The following KIT variants were observed in gnomAD, a reference collection of about 807,000 sequenced individuals.
The protein encoded by KIT is KIT proto-oncogene, receptor tyrosine kinase.
A neutral mutation model predicts 105.7 loss-of-function variants in KIT; 16 were observed. The observed-to-expected ratio is 0.15, with a 90% CI of 0.10 to 0.23. The LOEUF is 0.23. Ranked by LOEUF, KIT falls within the 10% of genes least tolerant of loss-of-function variation. The pLI is 1.00. For synonymous variants in KIT, 438 were observed against 441.1 expected (o/e 0.99, Z 0.09); for missense variants, 858 against 1,213.8 (o/e 0.71, Z 4.36).
chr4:54,712,784 C>T (rs535907942), intron 7 of KIT, among the ~76,000 whole-genome samples: 2 of 152,248 alleles, frequency 1.3e-5, no homozygotes, highest in East Asian at 3.9e-4. Context: ...GTCTCTAATA[C>T]CCACCCAGCA....
chr4:54,729,978 C>G (rs938642654), intron 14 of KIT, among the ~76,000 whole-genome samples: 6 of 152,138 alleles, frequency 3.9e-5, no homozygotes, highest in Non-Finnish European at 7.4e-5. Flanking sequence ...TCCTGTATAC[C>G]TTGCCTCTTG....
intron 1 of KIT, among the ~76,000 whole-genome samples, chr4:54,672,530 G>A (rs978633631): frequency 1.3e-5 from 2 of 152,064 alleles, no homozygotes; most frequent in East Asian, 1.9e-4. Context: ...ATTAGCCAGC[G>A]TTTGTTCTTT....
At chr4:54,704,180 C>A (rs1403820477) in intron 5 of KIT, among the ~76,000 whole-genome samples, 7 of 152,128 alleles carry the variant, frequency 4.6e-5, no homozygotes, top group African/African-American at 1.7e-4. Flanking sequence ...TGAGATTTTT[C>A]AAAAATGCTA....
At chr4:54,697,905 T>C (rs1720178185) in intron 2 of KIT, among the ~76,000 whole-genome samples, 1 of 152,200 alleles carries the variant, frequency 6.6e-6, no homozygotes, top group Non-Finnish European at 1.5e-5. Flanking sequence ...AGAGCTCAAA[T>C]ATTGCTCTCT....
chr4:54,736,857 T>G (rs764645565), intron 19 of KIT, 37 bp downstream of exon 19: 4 of 1,503,248 alleles, frequency 2.7e-6, no homozygotes, highest in Non-Finnish European at 3.7e-6. Context: ...GGTCACGTTT[T>G]CCCTTTTATT....
In KIT at chr4:54,687,424, G is replaced by C. The variant is rs1035601618; in HGVS notation, c.68-8088G>C. On this transcript the variant is annotated intron_variant, in intron 1 of 20. Transcript: ENST00000288135. ...CTGCCCTCCAGCCTGGGCGACGACAGAGCAAGACCCCATCTCCAAAAAAAA... is the reference window on the plus strand; with the variant it reads ...CTGCCCTCCAGCCTGGGCGACGACACAGCAAGACCCCATCTCCAAAAAAAA... 2.0e-5 allele frequency among the ~76,000 whole-genome samples: 3 copies of C among 151,696 alleles called. 1 individual carries two copies. Among genetic ancestry groups the C allele is most frequent in the African/African-American group, 7.3e-5 (3 of 41,228 alleles).
chr4:54,721,453 A>G (rs966732603), intron 7 of KIT, among the ~76,000 whole-genome samples: 1 of 152,244 alleles, frequency 6.6e-6, no homozygotes, highest in Non-Finnish European at 1.5e-5. Context: ...ATGCTTTCGC[A>G]AGACGATGGC....
At chr4:54,715,907 C>G (rs561549630) in intron 7 of KIT, among the ~76,000 whole-genome samples, 1 of 152,090 alleles carries the variant, frequency 6.6e-6, no homozygotes, top group African/African-American at 2.4e-5. Flanking sequence ...CAGATTTGGT[C>G]CTTAAGGCCA....
At chr4:54,678,961 C>G (rs186974083) in intron 1 of KIT, among the ~76,000 whole-genome samples, 3 of 151,812 alleles carry the variant, frequency 2.0e-5, no homozygotes, top group Non-Finnish European at 4.4e-5. Flanking sequence ...TTGCTGTGCC[C>G]CCTTGAAGAC....
intron 4 of KIT, among the ~76,000 whole-genome samples, chr4:54,702,671 A>T (rs541666083): frequency 6.6e-6 from 1 of 152,236 alleles, no homozygotes; most frequent in East Asian, 1.9e-4. Context: ...CTGAGTTTTT[A>T]CCACAACCAA....
At chr4:54,682,194 A>T (rs1266975466) in intron 1 of KIT, among the ~76,000 whole-genome samples, 1 of 149,922 alleles carries the variant, frequency 6.7e-6, no homozygotes, top group Non-Finnish European at 1.5e-5. Flanking sequence ...GGCTCAAGCG[A>T]TCCTCCCACC....
rs1165782753 is a variant in KIT at position 54,740,604 on chromosome 4, A to G, written c.*2047A>G. On this transcript the variant is annotated 3_prime_UTR_variant, in exon 21 of 21. Coordinates refer to ENST00000288135, the MANE Select transcript of KIT (RefSeq NM_000222.3). ...ATACAGTAACTTTATGTGTAAATAC[A>G]TAAGCGGCGTAAGTTTAAAGGATGT... 4.3e-6 allele frequency: 1 copy of G among 233,004 alleles called. No individual in the cohort carries two copies. Among genetic ancestry groups the G allele is most frequent in the Admixed American group, 5.6e-5 (1 of 17,786 alleles). 14.4% of individuals were successfully genotyped at this position (233,004 alleles called of 1,614,324 possible).
In KIT at chr4:54,731,996, A is replaced by G. The variant is rs1216980484; in HGVS notation, c.2359A>G (p.Asn787Asp). 1.9e-6 allele frequency: 3 copies of G among 1,612,796 alleles called. No individual in the cohort carries two copies. The South Asian group carries it at 3.3e-5, about 18-fold the overall frequency. Reference sequence around the variant, plus strand: ...GGGCATGGCTTTCCTCGCCTCCAAGAATGTAAGTGGGAGTGATTCTCTAAA... The same window carrying G: ...GGGCATGGCTTTCCTCGCCTCCAAGGATGTAAGTGGGAGTGATTCTCTAAA... ...AKGMAFLASK[N>D]CIHRDLAARN... Residue 787 changes from asparagine (N) to aspartate (D), a missense_variant and splice_region_variant, in exon 16 of 21, where the codon AAT becomes GAT. This residue lies in a region of KIT where 158 missense variants were observed against 218.7 expected (regional missense o/e 0.72). Transcript: ENST00000288135.
intron 17 of KIT, among the ~76,000 whole-genome samples, chr4:54,735,623 C>T (rs1233582694): frequency 6.6e-6 from 1 of 152,204 alleles, no homozygotes; most frequent in African/African-American, 2.4e-5. Context: ...TCAGGCGGTG[C>T]TAAGCATTTT....
At position 54,727,927 on chromosome 4, in the gene KIT, C is replaced by A. The variant is rs1032761406; in HGVS notation, c.1879C>A (p.Pro627Thr). 1 of 1,613,818 alleles carries A rather than the reference C, an allele frequency of 6.2e-7. No homozygotes were observed. The highest frequency in any genetic ancestry group is 8.5e-7 in the Non-Finnish European group (1 of 1,179,780). ...AMTVAVKMLK[P>T]SAHLTEREAL... is the part of the protein sequence containing the mutation. ...GACTGTCGCTGTAAAGATGCTCAAG[C>A]GTAAGTTCCTGTATGGTACTGCATG... The change falls in exon 12 of 21, where the codon CCG (proline) becomes ACG (threonine). Residue 627 changes from proline to threonine, a missense_variant and splice_region_variant. Physicochemically the swap from Pro to Thr is conservative, Grantham distance 38. Transcript: ENST00000288135.
chr4:54,664,304 A>G (rs1253260114), intron 1 of KIT, among the ~76,000 whole-genome samples: 1 of 152,170 alleles, frequency 6.6e-6, no homozygotes, highest in Non-Finnish European at 1.5e-5. Context: ...GACTCCTCTT[A>G]CTAGCCTCAA....
chr4:54,715,702 A>G (rs1007878633), intron 7 of KIT, among the ~76,000 whole-genome samples: 6 of 152,190 alleles, frequency 3.9e-5, no homozygotes. Context: ...CCCCACCTCC[A>G]GTATTCAGGA....
chr4:54,705,739 C>A (rs538590365), intron 5 of KIT, among the ~76,000 whole-genome samples: 1 of 152,006 alleles, frequency 6.6e-6, no homozygotes, highest in African/African-American at 2.4e-5. Context: ...AAAAATGAGC[C>A]GGGCATGGTG....
intron 1 of KIT, 56 bp downstream of exon 1, chr4:54,658,137 T>G (rs999020): frequency 6.4e-7 from 1 of 1,561,004 alleles, no homozygotes; most frequent in Non-Finnish European, 8.8e-7. Flanking sequence ...AGCCTGTGCC[T>G]GGGAGGGTGG....
Sources: allele counts gnomAD v4.1 joint callset (sites outside exome capture counted in the v4.1 genomes callset), GRCh38; gene constraint gnomAD v4.1.1; regional missense constraint gnomAD v4.1.1; transcripts MANE v1.5; gene names NCBI Gene and HGNC (gene_info 2026-07-23, HGNC 2026-07-21).